Variants in MYH2 observed in about 807,000 individuals in gnomAD.
MYH2 encodes myosin heavy chain 2, also known as myosin-2.
A neutral mutation model predicts 228.1 loss-of-function variants in MYH2; 139 were observed. The ratio of observed to expected loss-of-function variants is 0.61; its 90% CI spans 0.53 to 0.70. MYH2 has a LOEUF of 0.70. Ranked by LOEUF, MYH2 falls within the 30% of genes least tolerant of loss-of-function variation. MYH2 has a pLI of 0.00. For synonymous variants in MYH2, 796 were observed against 871.1 expected, an observed-to-expected ratio of 0.91 and a Z score of 1.52; for missense variants, 1,809 against 2,357.5, an observed-to-expected ratio of 0.77 and a Z score of 4.82.
At chr17:10,536,742 T>C in intron 16 of MYH2, 136 bp from the exon 17 acceptor site, 1 of 804,538 alleles carries the variant, frequency 1.2e-6, no homozygotes. Context: ...TGAATGAATC[T>C]TATTTTTCAA....
chr17:10,540,490 C>A, intron 11 of MYH2, 104 bp downstream of exon 11: 1 of 1,007,282 alleles, frequency 9.9e-7, no homozygotes, highest in Non-Finnish European at 1.5e-6. Context: ...CCATTTGCAT[C>A]CTGGAATCTT....
At position 10,542,900 on chromosome 17, in the gene MYH2, T is replaced by A; in HGVS notation, c.879A>T (p.Thr293=). 6.2e-7 allele frequency: 1 copy of A among 1,609,694 alleles called. No individual in the cohort carries two copies. Residue 293 remains threonine, a synonymous_variant, in exon 10 of 40, where the codon ACA becomes ACT. Coordinates refer to ENST00000245503, the MANE Select transcript of MYH2 (RefSeq NM_017534.6). The stretch of plus-strand genomic sequence containing the variant: ...CAATAAGTTCTGGTTTCTTATTCGA[T>A]GTAATCTGGTAAAAAATATGATAAC... ...ERSYHIFYQI[T]SNKKPELIEM... is the part of the protein sequence containing the mutation.
Position 10,539,371 on chromosome 17 carries a change from A to T in MYH2, c.1267-17T>A. ...GTTGGACACCTTAAAAGACAAAATT[A>T]TAACTCTCGAAGTTATTAAAGGCCT... On this transcript the variant is annotated splice_polypyrimidine_tract_variant and intron_variant, in intron 13 of 39. Transcript: ENST00000245503. 1.2e-6 allele frequency: 2 copies of T among 1,614,204 alleles called. No homozygotes were observed. The highest frequency in any genetic ancestry group is 1.7e-5 in the Admixed American group (1 of 60,030).
chr17:10,542,839 G>A, intron 10 of MYH2, 36 bp downstream of exon 10: 1 of 1,408,220 alleles, frequency 7.1e-7, no homozygotes, highest in Non-Finnish European at 1.0e-6. Context: ...AGGTACTGAT[G>A]CAGTAATTCT....
At position 10,537,049 on chromosome 17, in the gene MYH2, A is replaced by G. The variant is rs2073489418; in HGVS notation, c.1897+184T>C. On this transcript the variant is annotated intron_variant, in intron 16 of 39. Coordinates refer to ENST00000245503, the MANE Select transcript of MYH2 (RefSeq NM_017534.6). This position sits in a 1 kb window ranked among gnomAD's most constrained non-coding sequence, Gnocchi z 4.0. ...TGATAATCCTCTCTGACTCTGCAAT[A>G]GGGCTCCTGTCAGCAGTGGAGTGAG... is the stretch of plus-strand genomic sequence containing the variant. Among the ~76,000 whole-genome samples, 1 of 152,192 alleles carries G rather than the reference A, an allele frequency of 6.6e-6. No homozygotes were observed. Among genetic ancestry groups the G allele is most frequent in the South Asian group, 2.1e-4 (1 of 4,828 alleles).
chr17:10,531,373 A>G (rs1158678784), intron 22 of MYH2, among the ~76,000 whole-genome samples: 1 of 152,234 alleles, frequency 6.6e-6, no homozygotes, highest in Non-Finnish European at 1.5e-5. Context: ...AAGAGAAAAT[A>G]AGTCAAAAAT....
At position 10,529,966 on chromosome 17, in the gene MYH2, C is replaced by A. The variant is rs1373237213; in HGVS notation, c.2806G>T (p.Glu936Ter). 6.2e-7 allele frequency: 1 copy of A among 1,614,058 alleles called. No individual in the cohort carries two copies. The highest frequency in any genetic ancestry group is 8.5e-7 in the Non-Finnish European group (1 of 1,179,982). The stretch of plus-strand genomic sequence containing the variant: ...GCTGTCAGCTCAGCATTGATCTCTT[C>A]CTCATCCTCAGCTCTCTCAGTCACC... The part of the protein sequence containing the change: ...KEVTERAEDE[E>*]EINAELTAKK... The change falls in exon 23 of 40, where the codon GAA becomes TAA. Residue 936 changes from glutamate (E) to a stop codon, truncating the protein, a stop_gained. Transcript: ENST00000245503. LOFTEE classifies it high-confidence loss of function.
chr17:10,548,323 AGCCC>A (rs2073660615), intron 2 of MYH2, among the ~76,000 whole-genome samples: 1 of 152,236 alleles, frequency 6.6e-6, no homozygotes, highest in Admixed American at 6.5e-5. Context: ...CTAAATTCAC[AGCCC>A]ATGATATATG....
Position 10,533,394 on chromosome 17 carries a change from G to A in MYH2, c.2332C>T (p.Leu778Phe), listed in dbSNP as rs751563313. 2.6e-5 allele frequency: 42 copies of A among 1,614,062 alleles called. No homozygotes were observed. The African/African-American group carries it at 3.2e-4, about 12-fold the overall frequency. ...TTGTCATCTCGCATCTCCTCTAGGAGCCCCAGAAGACCAGCTTTGAAAAAG... is the reference window on the plus strand; with the variant it reads ...TTGTCATCTCGCATCTCCTCTAGGAACCCCAGAAGACCAGCTTTGAAAAAG... The part of the protein sequence containing the change: ...KVFFKAGLLG[L>F]LEEMRDDKLA... Residue 778 changes from leucine (L) to phenylalanine (F), a missense_variant, in exon 21 of 40, where the codon CTC (leucine) becomes TTC (phenylalanine). Leu to Phe is a conservative substitution (Grantham distance 22, BLOSUM62 0). Around this residue, in one of 9 missense-constraint regions of MYH2, gnomAD observed 276 missense variants for 344.2 expected, o/e 0.80. Transcript: ENST00000245503.
At chr17:10,548,105 T>C (rs1338685066) in intron 2 of MYH2, among the ~76,000 whole-genome samples, 165 bp from the exon 3 acceptor site, 1 of 152,162 alleles carries the variant, frequency 6.6e-6, no homozygotes. Context: ...AGAACGAAAA[T>C]GCATCAGGTG....
Position 10,531,656 on chromosome 17 carries a change from C to A in MYH2, c.2674G>T (p.Asp892Tyr). The A allele has an allele frequency of 2.5e-6, 4 of 1,614,186 alleles. No homozygotes were observed. The highest frequency in any genetic ancestry group is 2.2e-5 in the South Asian group (2 of 91,074). ...ACAGCCTGAACTTGGAGCTGCAAGT[C>A]ATTTTTTTCTTTCAACAGCGTCACC... ...KMVTLLKEKN[D>Y]LQLQVQAEAE... Residue 892 changes from aspartate to tyrosine, a missense_variant, in exon 22 of 40, where the codon GAC becomes TAC. Around this residue, in one of 9 missense-constraint regions of MYH2, gnomAD observed 276 missense variants for 344.2 expected, o/e 0.80. Coordinates refer to ENST00000245503, the MANE Select transcript of MYH2 (RefSeq NM_017534.6).
chr17:10,526,547 CT>C, intron 30 of MYH2, 51 bp downstream of exon 30: 1 of 1,609,716 alleles, frequency 6.2e-7, no homozygotes, highest in Non-Finnish European at 8.5e-7. Context: ...TCATGTCTTT[CT>C]GATTCAATAT....
rs1290157496 is a variant in MYH2, at chr17:10,537,410, C to A, written c.1720G>T (p.Gly574Cys). The A allele has an allele frequency of 1.2e-6, 2 of 1,614,184 alleles. No homozygotes were observed. Among genetic ancestry groups the A allele is most frequent in the Admixed American group, 1.7e-5 (1 of 60,014 alleles). ...ANFQKPKVVK[G>C]KAEAHFALIH... ...AGAGCGAAGTGGGCCTCGGCCTTGC[C>A]TTTGACCACCTTGGGCTTCTGGAAG... The change falls in exon 16 of 40, where the codon GGC (glycine) becomes TGC (cysteine). Residue 574 changes from glycine to cysteine, a missense_variant. Around this residue, in one of 9 missense-constraint regions of MYH2, gnomAD observed 41 missense variants for 35.1 expected, o/e 1.17. Coordinates refer to ENST00000245503, the MANE Select transcript of MYH2 (RefSeq NM_017534.6). This position sits in a 1 kb window ranked among gnomAD's most constrained non-coding sequence, Gnocchi z 4.0.
At chr17:10,544,295 C>A (rs562244258) in intron 5 of MYH2, among the ~76,000 whole-genome samples, 168 bp from the exon 6 acceptor site, 2 of 152,298 alleles carry the variant, frequency 1.3e-5, no homozygotes, top group East Asian at 3.9e-4. Flanking sequence ...TAGCACACAT[C>A]CACCCATTTA....
At position 10,525,101 on chromosome 17, in the gene MYH2, C is replaced by T; in HGVS notation, c.4663-36G>A. 6.2e-7 allele frequency: 1 copy of T among 1,614,054 alleles called. No homozygotes were observed. Among genetic ancestry groups the T allele is most frequent in the Non-Finnish European group, 8.5e-7 (1 of 1,180,008 alleles). On this transcript the variant is annotated intron_variant, in intron 33 of 39. Transcript: ENST00000245503. The surrounding 1 kb of genome is among the most constrained non-coding windows in gnomAD (Gnocchi z 4.2). ...GCAAGAGGTGACATTAGCAAGGAACCAAAAGCTTTATGAAGTTTTTCTGCA... is the reference window on the plus strand; with the variant it reads ...GCAAGAGGTGACATTAGCAAGGAACTAAAAGCTTTATGAAGTTTTTCTGCA...
chr17:10,541,521 C>T (rs1476555308), intron 10 of MYH2, among the ~76,000 whole-genome samples: 8 of 152,128 alleles, frequency 5.3e-5, no homozygotes, highest in Admixed American at 1.3e-4. Flanking sequence ...AATGGGTGCC[C>T]AAAACTTTAT....
intron 4 of MYH2, among the ~76,000 whole-genome samples, chr17:10,546,766 T>A (rs554206688): frequency 1.4e-5 from 1 of 71,480 alleles, no homozygotes; most frequent in East Asian, 5.7e-4. Flanking sequence ...TGAAAATGAG[T>A]GAAATTTGTT....
rs2073397644 is a variant in MYH2 at position 10,529,459 on chromosome 17, T to C, written c.3140A>G (p.Glu1047Gly). 4 of 1,614,260 alleles carry C rather than the reference T, an allele frequency of 2.5e-6. No homozygotes were observed. Among genetic ancestry groups the C allele is most frequent in the Non-Finnish European group, 3.4e-6 (4 of 1,180,048 alleles). ...TTCTAGGTCCATGCGAAGTTTCTTT[T>C]CTTGCTCCAAGGACCCTTCAAGCTA... ...VDDLEGSLEQ[E>G]KKLRMDLERA... Residue 1047 changes from glutamate to glycine, a missense_variant, in exon 25 of 40, where the codon GAA (glutamate) becomes GGA (glycine). By Grantham distance (98) the Glu-to-Gly change is moderately conservative (BLOSUM62 -2). Around this residue, in one of 9 missense-constraint regions of MYH2, gnomAD observed 636 missense variants for 729.9 expected, o/e 0.87. Transcript: ENST00000245503.
chr17:10,529,365 C>A lies in MYH2; in HGVS notation c.3234G>T (p.Glu1078Asp). Residue 1078 changes from glutamate to aspartate, a missense_variant, in exon 25 of 40, where the codon GAG becomes GAT. Physicochemically the swap from Glu to Asp is conservative, Grantham distance 45. Around this residue, in one of 9 missense-constraint regions of MYH2, gnomAD observed 636 missense variants for 729.9 expected, o/e 0.87. Transcript: ENST00000245503. ...AQESIMDIEN[E>D]KQQLDEKLKK... ...TGAGCTTTTCATCAAGTTGCTGTTT[C>A]TCATTTTCAATGTCCATTATGGATT... 1 of 1,614,056 alleles carries A rather than the reference C, an allele frequency of 6.2e-7. No homozygotes were observed. Among genetic ancestry groups the A allele is most frequent in the Non-Finnish European group, 8.5e-7 (1 of 1,180,018 alleles).
Sources: gnomAD v4.1 joint callset for allele counts (sites outside exome capture counted in the v4.1 genomes callset) on GRCh38, gnomAD v4.1.1 for gene constraint, gnomAD v4.1.1 regional missense constraint, Gnocchi (gnomAD v3.1) non-coding constraint, MANE v1.5 for transcripts, NCBI Gene and HGNC (gene_info 2026-07-23, HGNC 2026-07-21) for gene names.